RNF115: variants seen among roughly 807,000 people sequenced by gnomAD.
RNF115 encodes ring finger protein 115, also known as E3 ubiquitin-protein ligase RNF115.
In RNF115, 31 loss-of-function variants were observed where a neutral mutation model predicts 39.2. That is an observed-to-expected ratio of 0.79 (90% CI 0.59 to 1.07). The LOEUF (loss-of-function observed/expected upper bound fraction) is 1.07, where lower values mean the gene tolerates loss of function less well. Among genes scored for constraint, RNF115 ranks in the 50% least tolerant of loss-of-function variants. The pLI is 0.00. For synonymous variants in RNF115, 124 were observed against 131.0 expected, an observed-to-expected ratio of 0.95 and a Z score of 0.37; for missense variants, 384 against 381.7, an observed-to-expected ratio of 1.01 and a Z score of -0.05.
At chr1:145,800,445 A>G (rs587652126) in intron 1 of RNF115, among the ~76,000 whole-genome samples, 8 of 152,156 alleles carry the variant, frequency 5.3e-5, no homozygotes, top group Admixed American at 5.2e-4. Context: ...AAAGACATGC[A>G]GTTTATTTCT....
chr1:145,779,694 G>A lies in RNF115; in HGVS notation c.219+4845C>T, dbSNP rs891335949. Among the ~76,000 whole-genome samples the A allele has an allele frequency of 6.6e-5, 10 of 151,500 alleles. No homozygotes were observed. The East Asian group carries it at 1.4e-3, about 21-fold the overall frequency. On this transcript the variant is annotated intron_variant, in intron 3 of 8. Coordinates refer to ENST00000582693, the MANE Select transcript of RNF115 (RefSeq NM_014455.4). The stretch of plus-strand genomic sequence containing the variant: ...TCTTTATTTTTTGAAACGGAGTCTC[G>A]CTCTGTTGCTCAGGCTAGAGTGCAG...
Position 145,753,069 on chromosome 1 carries a change from T to C in RNF115, c.429-20A>G, listed in dbSNP as rs1658156794. 4 of 1,530,292 alleles carry C rather than the reference T, an allele frequency of 2.6e-6. No individual in the cohort carries two copies. Among genetic ancestry groups the C allele is most frequent in the Non-Finnish European group, 3.6e-6 (4 of 1,105,552 alleles). 94.8% of individuals were successfully genotyped at this position (1,530,292 alleles called of 1,614,324 possible). On this transcript the variant is annotated intron_variant, in intron 4 of 8. Coordinates refer to ENST00000582693, the MANE Select transcript of RNF115 (RefSeq NM_014455.4). ...AGTATTCTGTTACAGAAGAAAAAATTAGATAAGACAACAGACTAATGAAAA... is the reference window on the plus strand; with the variant it reads ...AGTATTCTGTTACAGAAGAAAAAATCAGATAAGACAACAGACTAATGAAAA...
At chr1:145,806,272 C>T (rs1361032589) in intron 1 of RNF115, among the ~76,000 whole-genome samples, 11 of 151,994 alleles carry the variant, frequency 7.2e-5, no homozygotes, top group African/African-American at 2.7e-4. Flanking sequence ...CGCTTGAACC[C>T]GGGAGGCAGA....
chr1:145,751,560 C>T (rs1553712504), intron 5 of RNF115, 50 bp from the exon 6 acceptor site: 2 of 1,356,852 alleles, frequency 1.5e-6, no homozygotes, highest in Admixed American at 2.1e-5. Context: ...CCAGGCTCTG[C>T]CTTACACCAC....
chr1:145,806,290 G>A (rs1649458918), intron 1 of RNF115, among the ~76,000 whole-genome samples: 1 of 152,174 alleles, frequency 6.6e-6, no homozygotes, highest in African/African-American at 2.4e-5. Context: ...AGAGGTTTCA[G>A]TGAGCTGAGA....
chr1:145,757,466 T>C (rs182571288), intron 4 of RNF115, among the ~76,000 whole-genome samples: 1 of 152,290 alleles, frequency 6.6e-6, no homozygotes, highest in East Asian at 1.9e-4. Context: ...CACTGCCAGC[T>C]TAAACTGAAA....
chr1:145,765,442 T>A (rs1476107116), intron 4 of RNF115, among the ~76,000 whole-genome samples: 1 of 151,558 alleles, frequency 6.6e-6, no homozygotes, highest in South Asian at 2.1e-4. Flanking sequence ...TAAAAAAAAA[T>A]TATTTGAAGT....
chr1:145,808,913 C>A (rs781893247), intron 1 of RNF115, among the ~76,000 whole-genome samples: 3 of 152,152 alleles, frequency 2.0e-5, no homozygotes, highest in East Asian at 1.9e-4. Flanking sequence ...AGAAAAGATT[C>A]TCTAGAAGAA....
intron 3 of RNF115, among the ~76,000 whole-genome samples, chr1:145,780,846 T>C (rs587702109): frequency 2.0e-5 from 3 of 152,072 alleles, no homozygotes; most frequent in Non-Finnish European, 2.9e-5. Context: ...AGAGCCACTC[T>C]TGCACTGAAG....
chr1:145,755,356 G>T lies in RNF115; in HGVS notation c.429-2307C>A, dbSNP rs79355167. Among the ~76,000 whole-genome samples the T allele has an allele frequency of 4.4e-3, 663 of 152,180 alleles. 3 individuals carry two copies. The highest frequency in any genetic ancestry group is 0.037 in the Middle Eastern group (11 of 294). ...TCCTATAGAAAGGTCCATGTGATGA[G>T]GAACTGAGTACTGCCAACAGCCAGA... On this transcript the variant is annotated intron_variant, in intron 4 of 8. Transcript: ENST00000582693.
intron 4 of RNF115, among the ~76,000 whole-genome samples, chr1:145,756,357 G>A (rs1305514012): frequency 5.9e-5 from 9 of 152,158 alleles, no homozygotes; most frequent in African/African-American, 2.2e-4. Context: ...CTGCTCGGGA[G>A]GCTGAAACAT....
rs57242475 is a variant in RNF115, at chr1:145,794,502, C to CTTTTT, written c.103-5541_103-5537dup. Among the ~76,000 whole-genome samples the CTTTTT allele has an allele frequency of 7.5e-3, 604 of 81,064 alleles. 6 individuals carry two copies. Among genetic ancestry groups the CTTTTT allele is most frequent in the African/African-American group, 9.3e-3 (180 of 19,366 alleles). 53.2% of individuals were successfully genotyped at this position (81,064 alleles called of 152,430 possible). On this transcript the variant is annotated intron_variant, in intron 1 of 8. Transcript: ENST00000582693. ...ATGGCAAGGGGCATCTAATCTCTTT[C>CTTTTT]TTTTTTTTTTTTTTTTTTTTTTTTT...
intron 3 of RNF115, chr1:145,772,494 A>C (rs1400708894): frequency 1.3e-5 from 2 of 152,400 alleles, no homozygotes; most frequent in East Asian, 1.9e-4. Context: ...GTTTTGCCAG[A>C]TTTAGAATTC....
intron 3 of RNF115, among the ~76,000 whole-genome samples, chr1:145,775,431 G>A (rs1444186245): frequency 1.4e-5 from 2 of 142,700 alleles, no homozygotes; most frequent in East Asian, 2.0e-4. Context: ...GTCTCAACTC[G>A]GTCGCTCAGG....
At chr1:145,813,224 G>A (rs1248003663) in intron 1 of RNF115, among the ~76,000 whole-genome samples, 10 of 150,928 alleles carry the variant, frequency 6.6e-5, no homozygotes, top group African/African-American at 2.2e-4. Flanking sequence ...AAACTGAGAC[G>A]GTCAGATGAC....
rs1245623257 is a variant in RNF115, at chr1:145,741,105, T to C, written c.*5761A>G. The C allele has an allele frequency of 6.6e-6, 1 of 152,228 alleles. No individual in the cohort carries two copies. The highest frequency in any genetic ancestry group is 2.4e-5 in the African/African-American group (1 of 41,452). The allele number at this position is 152,228 out of a possible 1,614,324, so 9.4% of individuals were successfully genotyped here. On this transcript the variant is annotated 3_prime_UTR_variant, in exon 9 of 9. Coordinates refer to ENST00000582693, the MANE Select transcript of RNF115 (RefSeq NM_014455.4). ...TGCCTGCCTCAGCCTTCCAAAATGCTGAGATTACAGGCATGAGCCACAATG... is the reference window on the plus strand; with the variant it reads ...TGCCTGCCTCAGCCTTCCAAAATGCCGAGATTACAGGCATGAGCCACAATG...
chr1:145,751,201 C>G (rs1382248810), intron 6 of RNF115, among the ~76,000 whole-genome samples: 1 of 152,160 alleles, frequency 6.6e-6, no homozygotes, highest in Non-Finnish European at 1.5e-5. Context: ...TTATAGAAGT[C>G]TTTTCTTCCT....
chr1:145,752,678 T>G (rs1309890828), intron 5 of RNF115, among the ~76,000 whole-genome samples: 3 of 139,036 alleles, frequency 2.2e-5, no homozygotes, highest in African/African-American at 5.4e-5. Context: ...AACCTCCACC[T>G]CCCGGGTTCA....
intron 4 of RNF115, among the ~76,000 whole-genome samples, chr1:145,767,778 C>T (rs1553715224): frequency 6.6e-6 from 1 of 152,256 alleles, no homozygotes; most frequent in African/African-American, 2.4e-5. Flanking sequence ...GGAGACCAGC[C>T]CGGCCAACAC....
Sources: allele counts gnomAD v4.1 joint callset (sites outside exome capture counted in the v4.1 genomes callset), GRCh38; gene constraint gnomAD v4.1.1; transcripts MANE v1.5; gene names NCBI Gene and HGNC (gene_info 2026-07-23, HGNC 2026-07-21).